The following ZRANB3 variants were observed in gnomAD, a reference collection of about 807,000 sequenced individuals.
ZRANB3 encodes the protein zinc finger RANBP2-type containing 3.
A neutral mutation model predicts 133.8 loss-of-function variants in ZRANB3; 125 were observed. The ratio of observed to expected loss-of-function variants is 0.93; its 90% confidence interval spans 0.81 to 1.08. The LOEUF is 1.08. Ranked by LOEUF, ZRANB3 falls within the 50% of genes least tolerant of loss-of-function variation. The probability of loss-of-function intolerance (pLI) is 0.00; values close to 1 mark genes in which losing one functional copy is unlikely to be tolerated. For synonymous variants in ZRANB3, 387 were observed against 432.7 expected (o/e 0.89, Z 1.31); for missense variants, 1,229 against 1,275.5 (o/e 0.96, Z 0.56).
chr2:135,443,172 C>A (rs1296469789), intron 2 of ZRANB3, among the ~76,000 whole-genome samples: 1 of 151,316 alleles, frequency 6.6e-6, no homozygotes, highest in Non-Finnish European at 1.5e-5. Context: ...GGCACATATA[C>A]ACCATGGAAT....
chr2:135,242,016 C>CAAAAAAA, intron 12 of ZRANB3, among the ~76,000 whole-genome samples: 1 of 152,018 alleles, frequency 6.6e-6, no homozygotes, highest in East Asian at 1.9e-4. Context: ...CCCAGCTCTA[C>CAAAAAAA]AAAAAATACA....
intron 6 of ZRANB3, among the ~76,000 whole-genome samples, chr2:135,341,000 G>A (rs906659635): frequency 1.5e-5 from 2 of 137,604 alleles, no homozygotes; most frequent in South Asian, 2.4e-4. Context: ...TATTATTTGT[G>A]TAGAGAAAGA....
chr2:135,246,031 C>G (rs1291308382), intron 12 of ZRANB3, among the ~76,000 whole-genome samples: 1 of 117,684 alleles, frequency 8.5e-6, no homozygotes, highest in Non-Finnish European at 1.7e-5. Flanking sequence ...CTTTTCTTTT[C>G]TTTCTTTCTT....
rs955630323 is a variant in ZRANB3, at chr2:135,230,635, G to A, written c.1832C>T (p.Ala611Val). 1 of 1,613,692 alleles carries A rather than the reference G, an allele frequency of 6.2e-7. No homozygotes were observed. The highest frequency in any genetic ancestry group is 8.5e-7 in the Non-Finnish European group (1 of 1,179,818). ...RTPLVESVQEAKAQLTTPAFP... is the reference protein window; with the variant it reads ...RTPLVESVQEVKAQLTTPAFP... ...GGCTGGGGTGGTTAACTGGGCCTTG[G>A]CCTCCTGTACACTTTCCACGAGTGG... The change falls in exon 13 of 21, where the codon GCC becomes GTC. Residue 611 changes from alanine to valine, a missense_variant. Coordinates refer to ENST00000264159, the MANE Select transcript of ZRANB3 (RefSeq NM_032143.4).
chr2:135,417,788 G>A (rs369674869), intron 2 of ZRANB3, among the ~76,000 whole-genome samples: 4 of 152,132 alleles, frequency 2.6e-5, no homozygotes, highest in African/African-American at 9.7e-5. Flanking sequence ...GCCATAAAAA[G>A]TGATGAGTTC....
chr2:135,324,934 T>C (rs1331591622), intron 6 of ZRANB3, among the ~76,000 whole-genome samples: 2 of 152,220 alleles, frequency 1.3e-5, no homozygotes, highest in Non-Finnish European at 2.9e-5. Flanking sequence ...GTTGTTTTTT[T>C]CTTGTAAATT....
chr2:135,371,383 A>C (rs1268383876), intron 3 of ZRANB3, among the ~76,000 whole-genome samples: 1 of 152,190 alleles, frequency 6.6e-6, no homozygotes, highest in Non-Finnish European at 1.5e-5. Context: ...TGTGCTTTTC[A>C]AATGCTGATG....
intron 6 of ZRANB3, among the ~76,000 whole-genome samples, chr2:135,342,793 A>G (rs1395442898): frequency 1.3e-5 from 2 of 149,046 alleles, no homozygotes; most frequent in Non-Finnish European, 2.9e-5. Context: ...AAAGACACCC[A>G]TAAACATATA....
At chr2:135,292,370 G>C (rs1369795035) in intron 8 of ZRANB3, among the ~76,000 whole-genome samples, 1 of 152,128 alleles carries the variant, frequency 6.6e-6, no homozygotes, top group African/African-American at 2.4e-5. Flanking sequence ...TTTTTCATGT[G>C]TCTTTTGGCT....
chr2:135,232,261 C>T (rs1287885606), intron 12 of ZRANB3, among the ~76,000 whole-genome samples: 1 of 152,204 alleles, frequency 6.6e-6, no homozygotes. Flanking sequence ...CCTGCCATTG[C>T]TGAGGCTTGA....
intron 2 of ZRANB3, among the ~76,000 whole-genome samples, chr2:135,400,122 C>T (rs1687670912): frequency 6.6e-6 from 1 of 152,130 alleles, no homozygotes; most frequent in Middle Eastern, 3.4e-3. Context: ...CTCCTATAAT[C>T]CCAGCTACTC....
intron 2 of ZRANB3, among the ~76,000 whole-genome samples, chr2:135,491,683 T>C (rs985042671): frequency 1.3e-5 from 2 of 151,998 alleles, no homozygotes; most frequent in Non-Finnish European, 2.9e-5. Flanking sequence ...CCAGCTAATT[T>C]TTTTTGTATT....
intron 15 of ZRANB3, 102 bp downstream of exon 15, chr2:135,224,324 A>T: frequency 1.1e-6 from 1 of 879,562 alleles, no homozygotes; most frequent in Non-Finnish European, 1.7e-6. Flanking sequence ...GAAAATAACT[A>T]GATGCTTATC....
intron 2 of ZRANB3, among the ~76,000 whole-genome samples, chr2:135,419,699 GTTTT>G (rs57043904): frequency 4.3e-4 from 61 of 142,486 alleles, no homozygotes; most frequent in African/African-American, 1.5e-3. Context: ...CCTCACAAAG[GTTTT>G]TTTTTTTTTT....
intron 3 of ZRANB3, among the ~76,000 whole-genome samples, chr2:135,356,036 T>C (rs1390052721): frequency 6.6e-6 from 1 of 152,156 alleles, no homozygotes; most frequent in Non-Finnish European, 1.5e-5. Flanking sequence ...TGTTCTGTGT[T>C]GGCTTGCCAG....
chr2:135,377,900 A>G (rs1686498938), intron 3 of ZRANB3, among the ~76,000 whole-genome samples: 1 of 152,214 alleles, frequency 6.6e-6, no homozygotes, highest in African/African-American at 2.4e-5. Flanking sequence ...TGGGCACAAT[A>G]TAATCAGCTG....
At chr2:135,202,264 G>A (rs1693657481) in intron 20 of ZRANB3, among the ~76,000 whole-genome samples, 1 of 152,156 alleles carries the variant, frequency 6.6e-6, no homozygotes, top group African/African-American at 2.4e-5. Context: ...GATGATCTCA[G>A]CAGGTAAATC....
chr2:135,426,374 CACAACAACA>C (rs953528140), intron 2 of ZRANB3, among the ~76,000 whole-genome samples: 9 of 151,854 alleles, frequency 5.9e-5, no homozygotes, highest in African/African-American at 1.9e-4. Flanking sequence ...CTGGCAGAGC[CACAACAACA>C]ACAACAACAA....
intron 12 of ZRANB3, among the ~76,000 whole-genome samples, chr2:135,235,668 CA>C (rs1295628236): frequency 2.7e-5 from 4 of 150,530 alleles, no homozygotes; most frequent in Admixed American, 1.3e-4. Flanking sequence ...AGCATATAAA[CA>C]GAACCAAAGA....
Sources: allele counts gnomAD v4.1 joint callset (sites outside exome capture counted in the v4.1 genomes callset), GRCh38; gene constraint gnomAD v4.1.1; transcripts MANE v1.5; gene names NCBI Gene and HGNC (gene_info 2026-07-23, HGNC 2026-07-21).